Variants in SLC13A2 observed in about 807,000 individuals in gnomAD.
SLC13A2 encodes the protein Na(+)-coupled citrate transporter.
A neutral mutation model predicts 58.5 loss-of-function variants in SLC13A2; 40 were observed. That is an observed-to-expected ratio of 0.68 (90% CI 0.53 to 0.89). The LOEUF (loss-of-function observed/expected upper bound fraction) is 0.89. Ranked by LOEUF, SLC13A2 falls within the 40% of genes least tolerant of loss-of-function variation. The pLI is 0.00. For synonymous variants in SLC13A2, 341 were observed against 331.6 expected, an observed-to-expected ratio of 1.03 and a Z score of -0.31; for missense variants, 694 against 772.6, an observed-to-expected ratio of 0.90 and a Z score of 1.21.
rs868912219 is a variant in SLC13A2, at chr17:28,494,995, G to A, written c.1308+483G>A. ...CCTGACACGGCATCCCTGGGCCTCCGTGTTCTGGCTCAAACAGAAGGTGGC... is the reference window on the plus strand; with the variant it reads ...CCTGACACGGCATCCCTGGGCCTCCATGTTCTGGCTCAAACAGAAGGTGGC... On this transcript the variant is annotated intron_variant, in intron 9 of 11. Transcript: ENST00000314669. The surrounding 1 kb of genome is among the most constrained non-coding windows in gnomAD (Gnocchi z 4.0). Among the ~76,000 whole-genome samples the A allele has an allele frequency of 3.9e-5, 6 of 152,144 alleles. No homozygotes were observed. The highest frequency in any genetic ancestry group is 1.3e-4 in the Admixed American group (2 of 15,280).
chr17:28,494,084 C>T lies in SLC13A2; in HGVS notation c.1165C>T (p.Pro389Ser). 3.1e-6 allele frequency: 5 copies of T among 1,614,138 alleles called. No homozygotes were observed. The highest frequency in any genetic ancestry group is 3.4e-6 in the Non-Finnish European group (4 of 1,180,022). Residue 389 changes from proline to serine, a missense_variant, in exon 8 of 12, where the codon CCA (proline) becomes TCA (serine). Pro to Ser is a moderately conservative substitution (Grantham distance 74). Coordinates refer to ENST00000314669, the MANE Select transcript of SLC13A2 (RefSeq NM_003984.4). This position sits in a 1 kb window ranked among gnomAD's most constrained non-coding sequence, Gnocchi z 4.0. ...IIMFIIPSKF[P>S]GLTQDPENPG... ...TATGTTCATCATACCCTCCAAGTTC[C>T]CAGGGCTGACCCAGGACCCAGGTAA...
At chr17:28,488,584 C>T (rs568438016) in intron 1 of SLC13A2, among the ~76,000 whole-genome samples, 1 of 152,322 alleles carries the variant, frequency 6.6e-6, no homozygotes, top group African/African-American at 2.4e-5. Context: ...CTCAAAGACT[C>T]ACAAGACTCA....
At chr17:28,486,011 A>T (rs1417484006) in intron 1 of SLC13A2, among the ~76,000 whole-genome samples, 3 of 152,178 alleles carry the variant, frequency 2.0e-5, no homozygotes, top group African/African-American at 7.2e-5. Flanking sequence ...ATTTTTTTTA[A>T]TTAGAAAAAA....
Position 28,491,920 on chromosome 17 carries a change from G to A in SLC13A2, c.878+68G>A, listed in dbSNP as rs1597888617. 23 of 1,562,198 alleles carry A rather than the reference G, an allele frequency of 1.5e-5. No individual in the cohort carries two copies. The East Asian group carries it at 4.8e-4, about 32-fold the overall frequency. On this transcript the variant is annotated intron_variant, in intron 6 of 11. Transcript: ENST00000314669. Reference sequence around the variant, plus strand: ...TAGCCCTGGGAGCTTCCAGTTGGGTGCAGATGTGGAAAATGATATTATCAC... The same window carrying A: ...TAGCCCTGGGAGCTTCCAGTTGGGTACAGATGTGGAAAATGATATTATCAC...
chr17:28,490,468 T>C lies in SLC13A2; in HGVS notation c.246T>C (p.Tyr82=), dbSNP rs2068983813. The C allele has an allele frequency of 6.2e-7, 1 of 1,613,968 alleles. No individual in the cohort carries two copies. Among genetic ancestry groups the C allele is most frequent in the East Asian group, 2.2e-5 (1 of 44,868 alleles). ...CCACCTGCCAGGTTGCCGTCGAGTA[T>C]CTTAAGGACTCCAACCTCCTGTTCT... is the stretch of plus-strand genomic sequence containing the variant. The part of the protein sequence containing the change: ...IVDASEVAVE[Y]LKDSNLLFFG... The change falls in exon 3 of 12, where the codon TAT becomes TAC. Residue 82 remains tyrosine, a synonymous_variant. Coordinates refer to ENST00000314669, the MANE Select transcript of SLC13A2 (RefSeq NM_003984.4).
Position 28,497,489 on chromosome 17 carries a change from C to A in SLC13A2, c.*220C>A. The A allele has an allele frequency of 1.8e-6, 1 of 569,826 alleles. No homozygotes were observed. The highest frequency in any genetic ancestry group is 3.1e-6 in the Non-Finnish European group (1 of 324,366). The allele number at this position is 569,826 out of a possible 1,614,324, so 35.3% of individuals were successfully genotyped here. Reference sequence around the variant, plus strand: ...GCATGTGTGTGTGCGCATATGTGTGCGCCTGCATGGATGTGAGGGGTGTGT... The same window carrying A: ...GCATGTGTGTGTGCGCATATGTGTGAGCCTGCATGGATGTGAGGGGTGTGT... On this transcript the variant is annotated 3_prime_UTR_variant, in exon 12 of 12. Transcript: ENST00000314669.
chr17:28,493,875 A>G, intron 7 of SLC13A2, 86 bp downstream of exon 7: 1 of 1,501,832 alleles, frequency 6.7e-7, no homozygotes. Context: ...CCCATTGCAG[A>G]ACAGGAGGTA....
chr17:28,497,480 A>G lies in SLC13A2; in HGVS notation c.*211A>G, dbSNP rs1410800750. 1.5e-5 allele frequency: 9 copies of G among 593,586 alleles called. No individual in the cohort carries two copies. In the East Asian group the frequency reaches 2.5e-4, roughly 17 times the overall value. 36.8% of individuals were successfully genotyped at this position (593,586 alleles called of 1,614,324 possible). A position where few individuals can be genotyped will look rare whatever the true frequency, so the allele number is the denominator to read the frequency against. On this transcript the variant is annotated 3_prime_UTR_variant, in exon 12 of 12. Coordinates refer to ENST00000314669, the MANE Select transcript of SLC13A2 (RefSeq NM_003984.4). ...AAGGTGTGTGCATGTGTGTGTGCGCATATGTGTGCGCCTGCATGGATGTGA... is the reference window on the plus strand; with the variant it reads ...AAGGTGTGTGCATGTGTGTGTGCGCGTATGTGTGCGCCTGCATGGATGTGA...
chr17:28,490,317 G>A, intron 2 of SLC13A2, 137 bp from the exon 3 acceptor site: 1 of 1,602,538 alleles, frequency 6.2e-7, no homozygotes, highest in East Asian at 2.2e-5. Flanking sequence ...ATCATTCAGA[G>A]ACCATTTCCA....
chr17:28,494,522 C>T lies in SLC13A2; in HGVS notation c.1308+10C>T, dbSNP rs781986176. 2 of 1,613,716 alleles carry T rather than the reference C, an allele frequency of 1.2e-6. No homozygotes were observed. Among genetic ancestry groups the T allele is most frequent in the Non-Finnish European group, 1.7e-6 (2 of 1,179,882 alleles). ...GGCCAAGGGCAGTGAGGTGAGAGGCCCCCAGCCCCCTCCTCAGCCTGTGTG... is the reference window on the plus strand; with the variant it reads ...GGCCAAGGGCAGTGAGGTGAGAGGCTCCCAGCCCCCTCCTCAGCCTGTGTG... On this transcript the variant is annotated intron_variant, in intron 9 of 11. Coordinates refer to ENST00000314669, the MANE Select transcript of SLC13A2 (RefSeq NM_003984.4). The surrounding 1 kb of genome is among the most constrained non-coding windows in gnomAD (Gnocchi z 4.0).
In SLC13A2 at chr17:28,496,225, C is replaced by G. The variant is rs545128395; in HGVS notation, c.1471-225C>G. 7.9e-5 allele frequency among the ~76,000 whole-genome samples: 12 copies of G among 152,332 alleles called. No homozygotes were observed. Among genetic ancestry groups the G allele is most frequent in the Admixed American group, 6.5e-4 (10 of 15,304 alleles). ...GAGATCAGTTTTATGGGCCCCTCCC[C>G]TCACCACACCCCACAAGGCAGGGCA... On this transcript the variant is annotated intron_variant, in intron 10 of 11. Coordinates refer to ENST00000314669, the MANE Select transcript of SLC13A2 (RefSeq NM_003984.4). The surrounding 1 kb of genome is among the most constrained non-coding windows in gnomAD (Gnocchi z 4.2).
At position 28,494,085 on chromosome 17, in the gene SLC13A2, C is replaced by G; in HGVS notation, c.1166C>G (p.Pro389Arg). ...IIMFIIPSKFPGLTQDPENPG... is the reference protein window; with the variant it reads ...IIMFIIPSKFRGLTQDPENPG... ...ATGTTCATCATACCCTCCAAGTTCC[C>G]AGGGCTGACCCAGGACCCAGGTAAG... The change falls in exon 8 of 12, where the codon CCA (proline) becomes CGA (arginine). Residue 389 changes from proline to arginine, a missense_variant. Coordinates refer to ENST00000314669, the MANE Select transcript of SLC13A2 (RefSeq NM_003984.4). This position sits in a 1 kb window ranked among gnomAD's most constrained non-coding sequence, Gnocchi z 4.0. 1 of 1,614,170 alleles carries G rather than the reference C, an allele frequency of 6.2e-7. No individual in the cohort carries two copies. Among genetic ancestry groups the G allele is most frequent in the Non-Finnish European group, 8.5e-7 (1 of 1,180,016 alleles).
intron 1 of SLC13A2, among the ~76,000 whole-genome samples, chr17:28,477,472 G>A (rs1555600275): frequency 3.2e-4 from 49 of 151,922 alleles, no homozygotes; most frequent in Non-Finnish European, 2.9e-5. Flanking sequence ...GGGATTACAG[G>A]CGTGAGCCAC....
intron 1 of SLC13A2, among the ~76,000 whole-genome samples, chr17:28,475,928 A>G (rs868988518): frequency 4.0e-5 from 6 of 151,860 alleles, no homozygotes; most frequent in Non-Finnish European, 7.4e-5. Context: ...TCAATCTGTA[A>G]CCCCAGCCCT....
chr17:28,481,823 C>G (rs2068791818), intron 1 of SLC13A2, among the ~76,000 whole-genome samples: 1 of 152,210 alleles, frequency 6.6e-6, no homozygotes, highest in Admixed American at 6.5e-5. Flanking sequence ...CCTCCACACT[C>G]TTTCATGTTT....
chr17:28,491,148 T>G (rs534926988), intron 4 of SLC13A2, among the ~76,000 whole-genome samples: 1 of 152,064 alleles, frequency 6.6e-6, no homozygotes, highest in South Asian at 2.1e-4. Context: ...AGAGCTGGAG[T>G]CTAGGTGAAC....
intron 1 of SLC13A2, among the ~76,000 whole-genome samples, chr17:28,482,553 G>T (rs781898008): frequency 1.3e-5 from 2 of 152,204 alleles, no homozygotes; most frequent in South Asian, 2.1e-4. Flanking sequence ...TTTAAACCGC[G>T]TGTGGTAGTA....
rs2069103287 is a variant in SLC13A2, at chr17:28,494,557, C to T, written c.1308+45C>T. ...CTCCTCAGCCTGTGTGAGGGTGTCT[C>T]TGTGGCAGGGAGAGAGGGGGCCCTG... is the stretch of plus-strand genomic sequence containing the variant. On this transcript the variant is annotated intron_variant, in intron 9 of 11. Coordinates refer to ENST00000314669, the MANE Select transcript of SLC13A2 (RefSeq NM_003984.4). The surrounding 1 kb of genome is among the most constrained non-coding windows in gnomAD (Gnocchi z 4.0). 2 of 1,611,546 alleles carry T rather than the reference C, an allele frequency of 1.2e-6. No individual in the cohort carries two copies. The highest frequency in any genetic ancestry group is 1.3e-5 in the African/African-American group (1 of 74,978).
At chr17:28,484,054 G>A (rs1378936960) in intron 1 of SLC13A2, among the ~76,000 whole-genome samples, 2 of 152,170 alleles carry the variant, frequency 1.3e-5, no homozygotes, top group Non-Finnish European at 2.9e-5. Context: ...TAGGGCCCAC[G>A]TTCATTCACC....
Sources: allele counts gnomAD v4.1 joint callset (sites outside exome capture counted in the v4.1 genomes callset), GRCh38; gene constraint gnomAD v4.1.1; non-coding constraint Gnocchi (gnomAD v3.1); transcripts MANE v1.5; gene names NCBI Gene and HGNC (gene_info 2026-07-23, HGNC 2026-07-21).